NLGN1: variants seen among roughly 807,000 people sequenced by gnomAD.
The protein encoded by NLGN1 is neuroligin 1.
Under a neutral mutation model 65.5 loss-of-function variants are expected in NLGN1, and 12 were observed. That is an observed-to-expected ratio of 0.18 (90% CI 0.12 to 0.30). The LOEUF is 0.30. NLGN1 is among the 10% of genes least tolerant of loss of function. The probability of loss-of-function intolerance (pLI) is 1.00; values close to 1 mark genes in which losing one functional copy is unlikely to be tolerated. For missense variants in NLGN1, 750 were observed against 1,007.1 expected (o/e 0.74, Z 3.46); for synonymous variants, 350 against 359.5 (o/e 0.97, Z 0.30).
At chr3:173,892,176 G>GTT (rs1168847577) in intron 4 of NLGN1, among the ~76,000 whole-genome samples, 41 of 134,522 alleles carry the variant, frequency 3.0e-4, no homozygotes, top group African/African-American at 7.4e-4. Context: ...TATATTTAAG[G>GTT]TTTTTTTTTT....
At chr3:173,780,992 A>T (rs956559307) in intron 3 of NLGN1, among the ~76,000 whole-genome samples, 1 of 151,714 alleles carries the variant, frequency 6.6e-6, no homozygotes, top group African/African-American at 2.4e-5. Flanking sequence ...AATACAAAAA[A>T]AATTAGCCAG....
At chr3:173,444,553 C>CA (rs1259791421) in intron 2 of NLGN1, among the ~76,000 whole-genome samples, 1 of 151,722 alleles carries the variant, frequency 6.6e-6, no homozygotes, top group Admixed American at 6.6e-5. Flanking sequence ...TTTGGTCTTT[C>CA]AAAAAAATAT....
chr3:174,289,376 G>T (rs1752471341), downstream of NLGN1, among the ~76,000 whole-genome samples: 1 of 151,376 alleles, frequency 6.6e-6, no homozygotes, highest in Non-Finnish European at 1.5e-5. Flanking sequence ...TGAATAAAAT[G>T]TGGCTCCGTT....
chr3:174,229,193 G>A (rs1362178212), intron 4 of NLGN1, among the ~76,000 whole-genome samples: 1 of 151,884 alleles, frequency 6.6e-6, no homozygotes, highest in African/African-American at 2.4e-5. Context: ...ATTTCTAAAG[G>A]ACTTATAACA....
intron 2 of NLGN1, among the ~76,000 whole-genome samples, chr3:173,586,542 A>G (rs570005697): frequency 2.6e-5 from 4 of 152,242 alleles, no homozygotes; most frequent in Non-Finnish European, 4.4e-5. Context: ...TTTTCTAAAG[A>G]TGAAATAGCA....
chr3:173,497,652 A>C (rs549296520), intron 2 of NLGN1, among the ~76,000 whole-genome samples: 1 of 151,924 alleles, frequency 6.6e-6, no homozygotes, highest in African/African-American at 2.4e-5. Context: ...CAATTCCTGC[A>C]TTTGGAAAAA....
At chr3:173,561,430 AT>A (rs1320004029) in intron 2 of NLGN1, among the ~76,000 whole-genome samples, 1 of 151,812 alleles carries the variant, frequency 6.6e-6, no homozygotes, top group Non-Finnish European at 1.5e-5. Flanking sequence ...CTAGTACAAA[AT>A]CCCATCCCGA....
chr3:174,034,788 G>A (rs199720389), intron 4 of NLGN1, among the ~76,000 whole-genome samples: 1 of 152,254 alleles, frequency 6.6e-6, no homozygotes, highest in East Asian at 1.9e-4. Context: ...AACAGCAAAT[G>A]TAACAAATGG....
chr3:173,614,641 CA>C (rs1342568114), intron 3 of NLGN1, among the ~76,000 whole-genome samples: 5 of 152,080 alleles, frequency 3.3e-5, no homozygotes, highest in Non-Finnish European at 7.4e-5. Flanking sequence ...TGAGCTCCTC[CA>C]AGCTAGGCAG....
chr3:173,492,122 C>T (rs1729273669), intron 2 of NLGN1, among the ~76,000 whole-genome samples: 1 of 151,754 alleles, frequency 6.6e-6, no homozygotes, highest in Non-Finnish European at 1.5e-5. Flanking sequence ...AGCCTCAGTT[C>T]TTTACATAAA....
chr3:173,699,765 G>A (rs1320533186), intron 3 of NLGN1, among the ~76,000 whole-genome samples: 1 of 152,196 alleles, frequency 6.6e-6, no homozygotes, highest in Non-Finnish European at 1.5e-5. Flanking sequence ...TATAGGAGAA[G>A]CAGCAGGTAA....
At chr3:173,639,515 T>C (rs868440698) in intron 3 of NLGN1, among the ~76,000 whole-genome samples, 1 of 152,206 alleles carries the variant, frequency 6.6e-6, no homozygotes, top group Admixed American at 6.5e-5. Flanking sequence ...ACTGGACAGG[T>C]TCATGGTTAG....
chr3:174,075,182 G>A (rs932043701), intron 4 of NLGN1, among the ~76,000 whole-genome samples: 5 of 151,932 alleles, frequency 3.3e-5, no homozygotes, highest in East Asian at 1.9e-4. Flanking sequence ...TACAATGGTC[G>A]AACTTAATTT....
At chr3:173,890,817 C>T (rs1486707418) in intron 4 of NLGN1, among the ~76,000 whole-genome samples, 1 of 152,062 alleles carries the variant, frequency 6.6e-6, no homozygotes, top group African/African-American at 2.4e-5. Flanking sequence ...TAAAAGCCTT[C>T]ATTAAAATAT....
intron 2 of NLGN1, among the ~76,000 whole-genome samples, chr3:173,482,114 G>C (rs1175663088): frequency 6.6e-6 from 1 of 151,834 alleles, no homozygotes; most frequent in Non-Finnish European, 1.5e-5. Flanking sequence ...ATTTGATGAT[G>C]TTCACTTGGG....
intron 3 of NLGN1, among the ~76,000 whole-genome samples, chr3:173,673,152 A>T (rs1430771697): frequency 6.6e-6 from 1 of 152,188 alleles, no homozygotes; most frequent in Non-Finnish European, 1.5e-5. Context: ...GAAAAATCTG[A>T]TAACCATATA....
chr3:173,793,397 G>A (rs1407382124), intron 3 of NLGN1, among the ~76,000 whole-genome samples: 2 of 152,042 alleles, frequency 1.3e-5, no homozygotes, highest in Admixed American at 6.6e-5. Flanking sequence ...GACAGAGGGG[G>A]TTATACCTCT....
At chr3:174,096,108 C>A (rs960600663) in intron 4 of NLGN1, among the ~76,000 whole-genome samples, 1 of 151,358 alleles carries the variant, frequency 6.6e-6, no homozygotes, top group Non-Finnish European at 1.5e-5. Context: ...TGCAGAATAG[C>A]TTTTGATATA....
chr3:174,160,716 A>T (rs1330066085), intron 4 of NLGN1, among the ~76,000 whole-genome samples: 2 of 151,162 alleles, frequency 1.3e-5, no homozygotes, highest in Non-Finnish European at 3.0e-5. Context: ...TTTCTATTAT[A>T]ATAGTTTTAT....
Sources: allele counts gnomAD v4.1 joint callset (sites outside exome capture counted in the v4.1 genomes callset), GRCh38; gene constraint gnomAD v4.1.1; transcripts MANE v1.5; gene names NCBI Gene and HGNC (gene_info 2026-07-23, HGNC 2026-07-21).